PCDH15: variants seen among roughly 807,000 people sequenced by gnomAD.
PCDH15 encodes protocadherin-15.
Under a neutral mutation model 178.5 loss-of-function variants are expected in PCDH15, and 129 were observed. That is an observed-to-expected ratio of 0.72 (90% CI 0.63 to 0.84). The LOEUF is 0.84. PCDH15 is among the 40% of genes least tolerant of loss of function. The pLI, the probability that PCDH15 is intolerant of heterozygous loss-of-function variation, is 0.00. For missense variants in PCDH15, 2,230 were observed against 2,099.9 expected (o/e 1.06, Z -1.21); for synonymous variants, 800 against 732.0 (o/e 1.09, Z -1.50).
At chr10:55,029,348 A>AT (rs1840554210) in intron 2 of PCDH15, among the ~76,000 whole-genome samples, 3 of 152,130 alleles carry the variant, frequency 2.0e-5, no homozygotes, top group African/African-American at 4.8e-5. Flanking sequence ...GTATATATAT[A>AT]AATACAATTG....
intron 1 of PCDH15, among the ~76,000 whole-genome samples, chr10:55,307,846 T>C (rs1843472166): frequency 6.6e-6 from 1 of 152,016 alleles, no homozygotes; most frequent in Non-Finnish European, 1.5e-5. Flanking sequence ...TTTATAAATA[T>C]TGAAATTATA....
At chr10:55,610,215 G>A (rs1011838532) in intron 2 of PCDH15, among the ~76,000 whole-genome samples, 2 of 152,018 alleles carry the variant, frequency 1.3e-5, no homozygotes, top group Non-Finnish European at 2.9e-5. Flanking sequence ...ATGAAAAGCA[G>A]TTTAAATTTG....
chr10:55,274,756 G>A (rs371776711), intron 1 of PCDH15, among the ~76,000 whole-genome samples: 1 of 152,232 alleles, frequency 6.6e-6, no homozygotes, highest in South Asian at 2.1e-4. Flanking sequence ...GAGGGTGTGG[G>A]TGGTTGGTTT....
At chr10:55,084,695 C>A (rs916237705) in intron 2 of PCDH15, among the ~76,000 whole-genome samples, 1 of 151,780 alleles carries the variant, frequency 6.6e-6, no homozygotes, top group Middle Eastern at 3.2e-3. Context: ...GATTAATAAC[C>A]AGAATATATA....
chr10:54,500,666 C>T (rs2080586459), intron 3 of PCDH15, among the ~76,000 whole-genome samples: 1 of 151,934 alleles, frequency 6.6e-6, no homozygotes, highest in South Asian at 2.1e-4. Context: ...CCTGTCTCTA[C>T]TGAAAATACA....
intron 13 of PCDH15, among the ~76,000 whole-genome samples, chr10:54,182,976 T>G (rs2048136121): frequency 8.5e-6 from 1 of 118,180 alleles, no homozygotes; most frequent in South Asian, 2.3e-4. Context: ...TTTGGTTTTT[T>G]GTTTTTGTTT....
At chr10:54,684,719 T>G (rs1234362966) in intron 1 of PCDH15, among the ~76,000 whole-genome samples, 2 of 152,186 alleles carry the variant, frequency 1.3e-5, no homozygotes, top group East Asian at 1.9e-4. Context: ...TTAAATCAGA[T>G]TTTCAAAGTT....
intron 2 of PCDH15, among the ~76,000 whole-genome samples, chr10:54,923,020 C>CATCTGTTATTTTTTTTTA (rs1564632793): frequency 4.2e-5 from 6 of 141,696 alleles, no homozygotes; most frequent in Admixed American, 6.9e-5. Context: ...CAGACTTCTG[C>CATCTGTTATTTTTTTTTA]CTAGACACTC....
intron 2 of PCDH15, among the ~76,000 whole-genome samples, chr10:55,147,207 T>C (rs1228343873): frequency 6.6e-6 from 1 of 151,510 alleles, no homozygotes; most frequent in Non-Finnish European, 1.5e-5. Flanking sequence ...CAGTGGTCAA[T>C]TGTACTTTCT....
At chr10:54,203,353 A>C (rs1181098348) in intron 10 of PCDH15, among the ~76,000 whole-genome samples, 3 of 152,208 alleles carry the variant, frequency 2.0e-5, no homozygotes, top group African/African-American at 7.2e-5. Flanking sequence ...ATAATTAATT[A>C]GAATTTAGGT....
Position 54,408,052 on chromosome 10 carries a change from C to CAAAAAAAA in PCDH15, c.158-29118_158-29111dup, listed in dbSNP as rs71461239. 1.7e-3 allele frequency among the ~76,000 whole-genome samples: 140 copies of CAAAAAAAA among 83,604 alleles called. 1 individual carries two copies. The highest frequency in any genetic ancestry group is 2.6e-3 in the Non-Finnish European group (114 of 44,434). The allele number at this position is 83,604 out of a possible 152,430, so 54.8% of individuals were successfully genotyped here. A position where few individuals can be genotyped will look rare whatever the true frequency, so the allele number is the denominator to read the frequency against. On this transcript the variant is annotated intron_variant, in intron 3 of 37. Transcript: ENST00000644397. ...CCTGGGTGACAGAATGAGACTCTGT[C>CAAAAAAAA]AAAAAAAAAAAAAAAAAAGGAAAAG...
At chr10:54,238,677 T>TCACACA (rs71476326) in intron 8 of PCDH15, among the ~76,000 whole-genome samples, 17 of 144,262 alleles carry the variant, frequency 1.2e-4, no homozygotes, top group Admixed American at 7.6e-4. Context: ...TCTCTCTCTC[T>TCACACA]CACACACACA....
In PCDH15 at chr10:55,002,841, C is replaced by T. The variant is rs144942319; in HGVS notation, c.-79-105341G>A. 1.6e-3 allele frequency among the ~76,000 whole-genome samples: 246 copies of T among 152,288 alleles called. 2 individuals are homozygous for T. The highest frequency in any genetic ancestry group is 5.7e-3 in the African/African-American group (238 of 41,564). The stretch of plus-strand genomic sequence containing the variant: ...CATTAATAGCAAAAGTACACTGATG[C>T]AAGCCAGCATTTAGGTATTTGTGTC... On this transcript the variant is annotated intron_variant, in intron 2 of 5. Transcript: ENST00000458638.
At chr10:55,311,377 A>G (rs1301117596) in intron 1 of PCDH15, among the ~76,000 whole-genome samples, 1 of 152,190 alleles carries the variant, frequency 6.6e-6, no homozygotes, top group Non-Finnish European at 1.5e-5. Context: ...TCCTGCATTC[A>G]AGAGTGCCTC....
At chr10:53,817,053 T>C (rs1366141027) in intron 34 of PCDH15, among the ~76,000 whole-genome samples, 2 of 152,144 alleles carry the variant, frequency 1.3e-5, no homozygotes, top group East Asian at 3.9e-4. Context: ...ATTGGAAAAG[T>C]GGGTAGTGAG....
intron 21 of PCDH15, among the ~76,000 whole-genome samples, chr10:53,988,958 A>G (rs1339458390): frequency 6.6e-6 from 1 of 152,188 alleles, no homozygotes; most frequent in Non-Finnish European, 1.5e-5. Context: ...ATTCGGAGAG[A>G]CTTTGGCACT....
intron 3 of PCDH15, among the ~76,000 whole-genome samples, chr10:54,468,319 TG>T (rs1183311602): frequency 6.6e-5 from 10 of 152,042 alleles, no homozygotes; most frequent in East Asian, 1.9e-4. Context: ...CTCTTAGTAT[TG>T]TTTTTTTTCT....
chr10:54,713,037 A>G lies in PCDH15; in HGVS notation c.-28-48747T>C, dbSNP rs1250827544. ...TTTTAAAAGATTATCTCTTTATGCC[A>G]TAGGTAATGGGCATCATAAATCACT... On this transcript the variant is annotated intron_variant, in intron 1 of 37. Coordinates refer to ENST00000644397, the MANE Select transcript of PCDH15 (RefSeq NM_001384140.1). 2.6e-5 allele frequency among the ~76,000 whole-genome samples: 4 copies of G among 152,086 alleles called. No individual in the cohort carries two copies. The South Asian group carries it at 6.2e-4, about 24-fold the overall frequency.
At chr10:54,219,978 G>A (rs1473173485) in intron 9 of PCDH15, among the ~76,000 whole-genome samples, 8 of 152,036 alleles carry the variant, frequency 5.3e-5, no homozygotes, top group African/African-American at 1.9e-4. Context: ...TTGAAACTAA[G>A]TGATGCCAAA....
Sources: gnomAD v4.1 joint callset for allele counts (sites outside exome capture counted in the v4.1 genomes callset) on GRCh38, gnomAD v4.1.1 for gene constraint, MANE v1.5 for transcripts, NCBI Gene and HGNC (gene_info 2026-07-23, HGNC 2026-07-21) for gene names.